Variants in DLC1 observed in about 807,000 individuals in gnomAD.
DLC1 encodes rho GTPase-activating protein 7.
In DLC1, 54 loss-of-function variants were observed where a neutral mutation model predicts 140.3. The ratio of observed to expected loss-of-function variants is 0.38; its 90% CI spans 0.31 to 0.48. The LOEUF (loss-of-function observed/expected upper bound fraction) is 0.48, where lower values mean the gene tolerates loss of function less well. Ranked by LOEUF, DLC1 falls within the 20% of genes least tolerant of loss-of-function variation. The probability of loss-of-function intolerance (pLI) is 0.96; values close to 1 mark genes in which losing one functional copy is unlikely to be tolerated. For missense variants in DLC1, 2,536 were observed against 1,907.0 expected (o/e 1.33, Z -6.14); for synonymous variants, 986 against 728.1 (o/e 1.35, Z -5.70).
chr8:13,321,543 G>GAAAAAAAAAAAAAAAAA (rs869200841), intron 4 of DLC1, among the ~76,000 whole-genome samples: 1 of 10,476 alleles, frequency 9.5e-5, no homozygotes, highest in African/African-American at 2.1e-4. Flanking sequence ...TCTCAAAAAA[G>GAAAAAAAAAAAAAAAAA]AAAAAAAAAA....
At chr8:13,170,313 T>G (rs965010672) in intron 5 of DLC1, among the ~76,000 whole-genome samples, 2 of 152,202 alleles carry the variant, frequency 1.3e-5, no homozygotes, top group African/African-American at 4.8e-5. Context: ...GCAGTCACAA[T>G]CATTGAGAAG....
At chr8:13,268,106 T>C (rs933980087) in intron 5 of DLC1, among the ~76,000 whole-genome samples, 1 of 152,212 alleles carries the variant, frequency 6.6e-6, no homozygotes, top group Admixed American at 6.5e-5. Context: ...CCAATTTTAG[T>C]TCATTCTGAT....
intron 1 of DLC1, chr8:13,567,484 A>T: frequency 6.4e-7 from 1 of 1,552,112 alleles, no homozygotes; most frequent in Non-Finnish European, 8.7e-7. Context: ...AGATGCCTTT[A>T]GTTGTACTGT....
chr8:13,362,736 T>C (rs565438811), intron 4 of DLC1, among the ~76,000 whole-genome samples: 6 of 152,332 alleles, frequency 3.9e-5, no homozygotes, highest in African/African-American at 9.6e-5. Flanking sequence ...CTCTGGTGTC[T>C]GCATCAGCCA....
intron 1 of DLC1, among the ~76,000 whole-genome samples, chr8:13,568,665 C>A (rs1013842740): frequency 6.6e-6 from 1 of 152,026 alleles, no homozygotes; most frequent in African/African-American, 2.4e-5. Context: ...AATAAACCTG[C>A]AGAAAAGATT....
At chr8:13,340,685 A>ATG (rs1834000013) in intron 4 of DLC1, 1 of 152,184 alleles carries the variant, frequency 6.6e-6, no homozygotes, top group African/African-American at 2.4e-5. Flanking sequence ...AAACGTTAAC[A>ATG]TGTGTAGTGG....
intron 1 of DLC1, among the ~76,000 whole-genome samples, chr8:13,596,285 T>C (rs537659387): frequency 1.3e-5 from 2 of 151,992 alleles, no homozygotes; most frequent in Non-Finnish European, 2.9e-5. Flanking sequence ...TGGAAGGAAT[T>C]AATAGGTTGG....
intron 1 of DLC1, among the ~76,000 whole-genome samples, chr8:13,560,855 C>G (rs967402073): frequency 2.6e-5 from 4 of 152,034 alleles, no homozygotes; most frequent in African/African-American, 9.7e-5. Context: ...ATCTACCAGT[C>G]AAGGAGAGAG....
chr8:13,509,777 C>T (rs964803413), intron 1 of DLC1, among the ~76,000 whole-genome samples: 2 of 152,036 alleles, frequency 1.3e-5, no homozygotes, highest in Admixed American at 6.6e-5. Context: ...AATTGTCTCC[C>T]ATTTTTGTGA....
intron 2 of DLC1, among the ~76,000 whole-genome samples, chr8:13,414,442 C>T (rs1369846101): frequency 1.3e-5 from 2 of 152,176 alleles, no homozygotes; most frequent in Non-Finnish European, 2.9e-5. Flanking sequence ...TGAATCCTGG[C>T]TTGACCAATT....
chr8:13,542,977 T>C (rs1803537791), intron 1 of DLC1, among the ~76,000 whole-genome samples: 1 of 152,096 alleles, frequency 6.6e-6, no homozygotes, highest in African/African-American at 2.4e-5. Context: ...TATGATATGA[T>C]TTGTCTTCTT....
chr8:13,376,449 T>A (rs1835991899), intron 4 of DLC1, among the ~76,000 whole-genome samples: 1 of 152,128 alleles, frequency 6.6e-6, no homozygotes, highest in Admixed American at 6.6e-5. Context: ...ATCCCACCCA[T>A]CTATGAGGTG....
At chr8:13,525,699 C>A (rs753831134) in intron 1 of DLC1, among the ~76,000 whole-genome samples, 2 of 152,092 alleles carry the variant, frequency 1.3e-5, no homozygotes, top group African/African-American at 4.8e-5. Flanking sequence ...TTATGGGAGA[C>A]CATATATTCT....
chr8:13,114,107 A>T (rs1820337974), intron 6 of DLC1, among the ~76,000 whole-genome samples: 2 of 152,234 alleles, frequency 1.3e-5, no homozygotes, highest in South Asian at 4.1e-4. Context: ...CATGTCTGTA[A>T]TCCCAGCACT....
intron 1 of DLC1, chr8:13,567,799 C>A: frequency 6.4e-7 from 1 of 1,551,816 alleles, no homozygotes; most frequent in South Asian, 1.2e-5. Context: ...TGAGAAAAGT[C>A]ATATCAGATA....
intron 8 of DLC1, chr8:13,100,993 G>A: frequency 2.2e-6 from 1 of 457,702 alleles, no homozygotes; most frequent in Non-Finnish European, 3.6e-6. Context: ...GACCTCAAGT[G>A]ATCCTCCCAC....
In DLC1 at chr8:13,499,196, A is replaced by G. The variant is rs775385295; in HGVS notation, c.876T>C (p.Asn292=). Reference sequence around the variant, plus strand: ...GTGAAAAACCACTCTTCTCCAGGCCATTTTCAGCTGACATTCCATTGGGGC... The same window carrying G: ...GTGAAAAACCACTCTTCTCCAGGCCGTTTTCAGCTGACATTCCATTGGGGC... ...PSCPNGMSAE[N]GLEKSGFSQH... The change falls in exon 2 of 18, where the codon AAT becomes AAC. Residue 292 remains asparagine (N), a synonymous_variant. Coordinates refer to ENST00000276297, the MANE Select transcript of DLC1 (RefSeq NM_182643.3). The G allele has an allele frequency of 1.4e-5, 23 of 1,614,032 alleles. No homozygotes were observed. The highest frequency in any genetic ancestry group is 1.9e-5 in the Non-Finnish European group (22 of 1,180,016).
intron 1 of DLC1, among the ~76,000 whole-genome samples, chr8:13,535,830 A>G (rs962085755): frequency 6.6e-6 from 1 of 152,120 alleles, no homozygotes; most frequent in Non-Finnish European, 1.5e-5. Context: ...TTATCTACTT[A>G]ATAGATTTTG....
chr8:13,380,509 G>C (rs1340436984), intron 4 of DLC1, among the ~76,000 whole-genome samples: 4 of 152,110 alleles, frequency 2.6e-5, no homozygotes, highest in Admixed American at 1.3e-4. Context: ...GGAACCAAAG[G>C]GTGGTAGTCA....
Sources: allele counts gnomAD v4.1 joint callset (sites outside exome capture counted in the v4.1 genomes callset), GRCh38; gene constraint gnomAD v4.1.1; transcripts MANE v1.5; gene names NCBI Gene and HGNC (gene_info 2026-07-23, HGNC 2026-07-21).